The following SUGCT variants were observed in gnomAD, a reference collection of about 807,000 sequenced individuals.
SUGCT encodes the protein succinyl-CoA:glutarate CoA-transferase.
In SUGCT, 41 loss-of-function variants were observed where a neutral mutation model predicts 55.0. The observed-to-expected ratio is 0.74, with a 90% CI of 0.58 to 0.97. The LOEUF (loss-of-function observed/expected upper bound fraction) is 0.97, where lower values mean the gene tolerates loss of function less well. Among genes scored for constraint, SUGCT ranks in the 50% least tolerant of loss-of-function variants. SUGCT has a pLI of 0.00. For missense variants in SUGCT, 568 were observed against 547.8 expected, an observed-to-expected ratio of 1.04 and a Z score of -0.37; for synonymous variants, 187 against 200.4, an observed-to-expected ratio of 0.93 and a Z score of 0.56.
At chr7:40,787,642 T>A (rs1584440968) in intron 13 of SUGCT, among the ~76,000 whole-genome samples, 2 of 57,338 alleles carry the variant, frequency 3.5e-5, no homozygotes, top group African/African-American at 6.2e-5. Context: ...GAGAAACTGG[T>A]AACCAAGAAA....
chr7:40,274,654 C>T lies in SUGCT; in HGVS notation c.718C>T (p.Gln240Ter), dbSNP rs1441292894. 2 of 1,613,186 alleles carry T rather than the reference C, an allele frequency of 1.2e-6. No individual in the cohort carries two copies. The highest frequency in any genetic ancestry group is 2.2e-5 in the South Asian group (2 of 90,986). The change falls in exon 8 of 14, where the codon CAG becomes TAG. Residue 240 changes from glutamine to a stop codon, truncating the protein, a stop_gained and splice_region_variant. Coordinates refer to ENST00000335693, the MANE Select transcript of SUGCT (RefSeq NM_001193313.2). LOFTEE classifies it high-confidence loss of function. ...LFIDCNLLSS[Q>*]VACLSHIAAN... Reference sequence around the variant, plus strand: ...CATTGATTGTAACCTACTGTCATCCCAGGTAACAATCCAACTAACATTTCA... The same window carrying T: ...CATTGATTGTAACCTACTGTCATCCTAGGTAACAATCCAACTAACATTTCA...
At chr7:40,931,598 C>T in the SUGCT span, among the ~76,000 whole-genome samples, 21 of 152,076 alleles carry the variant, frequency 1.4e-4, no homozygotes, top group Non-Finnish European at 2.2e-4. Context: ...CTCAATTTCA[C>T]AGCCTGTTAT....
At chr7:40,745,088 A>G (rs1787664111) in intron 12 of SUGCT, among the ~76,000 whole-genome samples, 1 of 152,212 alleles carries the variant, frequency 6.6e-6, no homozygotes, top group Non-Finnish European at 1.5e-5. Flanking sequence ...TTTGCCTAGC[A>G]TATAAGTGCT....
intron 6 of SUGCT, among the ~76,000 whole-genome samples, chr7:40,195,711 T>TTC (rs1439567371): frequency 7.8e-6 from 1 of 127,414 alleles, no homozygotes; most frequent in Admixed American, 7.7e-5. Context: ...AACAATTCTT[T>TTC]TTTTTTTTTT....
chr7:40,926,245 T>C, the SUGCT span, among the ~76,000 whole-genome samples: 1 of 152,178 alleles, frequency 6.6e-6, no homozygotes, highest in Non-Finnish European at 1.5e-5. Context: ...AATCAAGCCT[T>C]ATTCTTCTTA....
chr7:40,476,458 A>G (rs74357794), intron 11 of SUGCT, among the ~76,000 whole-genome samples: 2,830 of 152,268 alleles, frequency 0.019, 85 homozygotes, highest in African/African-American at 0.064. Flanking sequence ...TTCTTCACAA[A>G]TTGTTTTTGG....
intron 12 of SUGCT, among the ~76,000 whole-genome samples, chr7:40,663,027 G>A (rs1355951544): frequency 3.9e-5 from 6 of 152,142 alleles, no homozygotes; most frequent in Non-Finnish European, 8.8e-5. Flanking sequence ...TAGTATAGCA[G>A]CAATCTTGTT....
At chr7:40,533,470 G>T (rs1270954463) in intron 12 of SUGCT, among the ~76,000 whole-genome samples, 1 of 151,928 alleles carries the variant, frequency 6.6e-6, no homozygotes, top group Non-Finnish European at 1.5e-5. Context: ...TGTTTTTACA[G>T]TTTTGTAGAC....
chr7:40,655,782 A>T (rs570542673), intron 12 of SUGCT, among the ~76,000 whole-genome samples: 3 of 152,348 alleles, frequency 2.0e-5, no homozygotes, highest in African/African-American at 7.2e-5. Context: ...GAACTGTATT[A>T]AACCACAACA....
intron 7 of SUGCT, among the ~76,000 whole-genome samples, chr7:40,246,861 A>G (rs1324566422): frequency 6.6e-6 from 1 of 152,092 alleles, no homozygotes; most frequent in African/African-American, 2.4e-5. Flanking sequence ...AGCCTCCCAA[A>G]GTGCTGAGAT....
chr7:40,237,771 A>T, intron 7 of SUGCT, 45 bp downstream of exon 7: 1 of 1,534,034 alleles, frequency 6.5e-7, no homozygotes, highest in Non-Finnish European at 9.0e-7. Context: ...TCCCTTACAT[A>T]TTCCAAAAGG....
chr7:40,449,466 G>A (rs1789071038), intron 10 of SUGCT, 108 bp downstream of exon 10: 1 of 747,548 alleles, frequency 1.3e-6, no homozygotes, highest in Non-Finnish European at 2.4e-6. Flanking sequence ...GCAACTAAAA[G>A]TATAGGATAT....
chr7:40,891,679 T>C, the SUGCT span, among the ~76,000 whole-genome samples: 1 of 152,114 alleles, frequency 6.6e-6, no homozygotes, highest in Non-Finnish European at 1.5e-5. Context: ...GAGTTTGAGT[T>C]GAAAAAAATT....
the SUGCT span, among the ~76,000 whole-genome samples, chr7:41,034,932 C>G: frequency 6.6e-6 from 1 of 152,204 alleles, no homozygotes; most frequent in Non-Finnish European, 1.5e-5. Flanking sequence ...GCTCCAGCTG[C>G]CCCTTCCAGA....
intron 1 of SUGCT, among the ~76,000 whole-genome samples, chr7:40,140,064 C>T (rs770521071): frequency 8.6e-5 from 13 of 151,738 alleles, no homozygotes; most frequent in South Asian, 2.1e-4. Flanking sequence ...CACCATGCCC[C>T]GCGAATTTTT....
intron 13 of SUGCT, among the ~76,000 whole-genome samples, chr7:40,762,053 G>A (rs1295486275): frequency 6.6e-6 from 1 of 152,156 alleles, no homozygotes; most frequent in African/African-American, 2.4e-5. Flanking sequence ...AGTGGGCTCA[G>A]CCCCCACCAG....
At chr7:40,899,246 C>T in the SUGCT span, among the ~76,000 whole-genome samples, 1 of 152,190 alleles carries the variant, frequency 6.6e-6, no homozygotes, top group African/African-American at 2.4e-5. Flanking sequence ...CCTCCCTCCT[C>T]ACCAACCCTG....
chr7:40,883,232 C>G, the SUGCT span, among the ~76,000 whole-genome samples: 1 of 152,154 alleles, frequency 6.6e-6, no homozygotes, highest in African/African-American at 2.4e-5. Context: ...CTTTCCCTTG[C>G]ATATTTGGAA....
intron 11 of SUGCT, among the ~76,000 whole-genome samples, chr7:40,464,102 T>C (rs1243922460): frequency 6.6e-6 from 1 of 152,026 alleles, no homozygotes; most frequent in Non-Finnish European, 1.5e-5. Context: ...GGAGAAATAA[T>C]AGGAAAACAT....
Sources: allele counts gnomAD v4.1 joint callset (sites outside exome capture counted in the v4.1 genomes callset), GRCh38; gene constraint gnomAD v4.1.1; transcripts MANE v1.5; gene names NCBI Gene and HGNC (gene_info 2026-07-23, HGNC 2026-07-21).